Variants in THSD7A observed in about 807,000 individuals in gnomAD.
THSD7A encodes the protein thrombospondin type 1 domain containing 7A.
THSD7A carries 96 observed loss-of-function variants against 231.3 expected under a neutral mutation model. The ratio of observed to expected loss-of-function variants is 0.41; its 90% confidence interval spans 0.35 to 0.49. The LOEUF (loss-of-function observed/expected upper bound fraction) is 0.49. Ranked by LOEUF, THSD7A falls within the 20% of genes least tolerant of loss-of-function variation. The pLI, the probability that THSD7A is intolerant of heterozygous loss-of-function variation, is 0.05. For missense variants in THSD7A, 2,290 were observed against 2,070.2 expected, an observed-to-expected ratio of 1.11 and a Z score of -2.06; for synonymous variants, 940 against 743.3, an observed-to-expected ratio of 1.26 and a Z score of -4.30.
rs1562584167 is a variant in THSD7A at position 11,406,006 on chromosome 7, T to C, written c.4237+294A>G. 6.6e-6 allele frequency among the ~76,000 whole-genome samples: 1 copy of C among 152,200 alleles called. No individual in the cohort carries two copies. The highest frequency in any genetic ancestry group is 1.5e-5 in the Non-Finnish European group (1 of 68,038). On this transcript the variant is annotated intron_variant, in intron 22 of 27. Coordinates refer to ENST00000423059, the MANE Select transcript of THSD7A (RefSeq NM_015204.3). This position sits in a 1 kb window ranked among gnomAD's most constrained non-coding sequence, Gnocchi z 4.7. ...TTTGTCCTTATTTTCTCATCTTTTA[T>C]TTCATAACTTTTCTGTGGAGCATGG...
rs567805610 is a variant in THSD7A at position 11,811,118 on chromosome 7, C to T, written c.190+20639G>A. Among the ~76,000 whole-genome samples, 20 of 152,186 alleles carry T rather than the reference C, an allele frequency of 1.3e-4. No individual in the cohort carries two copies. In the South Asian group the frequency reaches 1.5e-3, roughly 11 times the overall value. The stretch of plus-strand genomic sequence containing the variant: ...ATGTTAAGGATATTTTATTAGTTTA[C>T]AATATTTTAAAACTTGGTGATTTGT... On this transcript the variant is annotated intron_variant, in intron 1 of 27. Coordinates refer to ENST00000423059, the MANE Select transcript of THSD7A (RefSeq NM_015204.3).
intron 13 of THSD7A, 42 bp from the exon 14 acceptor site, chr7:11,429,167 G>GTCAC: frequency 6.6e-7 from 1 of 1,514,596 alleles, no homozygotes; most frequent in Non-Finnish European, 8.8e-7. Context: ...TCCTCCACCT[G>GTCAC]TCACTCTCCC....
intron 4 of THSD7A, among the ~76,000 whole-genome samples, chr7:11,569,084 A>G (rs909460798): frequency 3.3e-5 from 5 of 152,094 alleles, no homozygotes; most frequent in African/African-American, 9.7e-5. Context: ...AAACTATAAA[A>G]TGACTAGAAG....
At chr7:11,388,528 C>T (rs1461069014) in intron 23 of THSD7A, among the ~76,000 whole-genome samples, 2 of 152,118 alleles carry the variant, frequency 1.3e-5, no homozygotes, top group Non-Finnish European at 2.9e-5. Context: ...CGTGGGATCA[C>T]TGGTGACATC....
intron 1 of THSD7A, among the ~76,000 whole-genome samples, chr7:11,783,510 G>A (rs1012868018): frequency 6.6e-6 from 1 of 152,122 alleles, no homozygotes; most frequent in Non-Finnish European, 1.5e-5. Flanking sequence ...TAAGGAGCAA[G>A]GGAGTTGAAG....
chr7:11,437,391 G>A (rs1436049307), intron 13 of THSD7A, among the ~76,000 whole-genome samples: 1 of 151,988 alleles, frequency 6.6e-6, no homozygotes, highest in African/African-American at 2.4e-5. Context: ...TTCTCTTTGT[G>A]CCCAAGTATC....
intron 6 of THSD7A, among the ~76,000 whole-genome samples, chr7:11,491,433 G>A (rs539156124): frequency 1.9e-4 from 29 of 151,904 alleles, no homozygotes; most frequent in African/African-American, 6.5e-4. Flanking sequence ...TCTGGACTAC[G>A]TAATTAACAT....
chr7:11,481,852 T>C lies in THSD7A; in HGVS notation c.1953A>G (p.Ser651=), dbSNP rs937744348. 14 of 1,613,742 alleles carry C rather than the reference T, an allele frequency of 8.7e-6. No individual in the cohort carries two copies. The highest frequency in any genetic ancestry group is 1.2e-5 in the Non-Finnish European group (14 of 1,179,694). Residue 651 remains serine (S), a synonymous_variant, in exon 7 of 28, where the codon TCA becomes TCG. Coordinates refer to ENST00000423059, the MANE Select transcript of THSD7A (RefSeq NM_015204.3). ...STWSSCSHTC[S]GKTTEGKQIR... ...TCTGTTTCCCTTCTGTCGTTTTCCC[T>C]GAGCAGGTGTGTGAGCAGGAGGACC... is the stretch of plus-strand genomic sequence containing the variant.
At position 11,411,430 on chromosome 7, in the gene THSD7A, C is replaced by G. The variant is rs972066462; in HGVS notation, c.3683-108G>C. 2 of 720,272 alleles carry G rather than the reference C, an allele frequency of 2.8e-6. No individual in the cohort carries two copies. Among genetic ancestry groups the G allele is most frequent in the African/African-American group, 3.5e-5 (2 of 56,348 alleles). The allele number at this position is 720,272 out of a possible 1,614,324, so 44.6% of individuals were successfully genotyped here. On this transcript the variant is annotated intron_variant, in intron 18 of 27. Coordinates refer to ENST00000423059, the MANE Select transcript of THSD7A (RefSeq NM_015204.3). This position sits in a 1 kb window ranked among gnomAD's most constrained non-coding sequence, Gnocchi z 4.1. ...ATTTAATTCACAACTGCTTCCTAAG[C>G]CCCATAATCAATCATCCCCCATGCA...
chr7:11,754,270 TAG>T (rs1782603906), intron 1 of THSD7A, among the ~76,000 whole-genome samples: 2 of 151,904 alleles, frequency 1.3e-5, no homozygotes, highest in African/African-American at 4.8e-5. Flanking sequence ...ATGATAAAAA[TAG>T]AGAGTAACGG....
At chr7:11,516,912 G>T (rs746030818) in intron 6 of THSD7A, among the ~76,000 whole-genome samples, 3 of 152,076 alleles carry the variant, frequency 2.0e-5, no homozygotes, top group Non-Finnish European at 4.4e-5. Flanking sequence ...TACCAGAATT[G>T]CAGTCATGGT....
chr7:11,593,321 C>A lies in THSD7A; in HGVS notation c.1204G>T (p.Glu402Ter). Reference protein sequence around the residue: ...IRQFPIGSEKECPEFEEKEPC... With the variant: ...IRQFPIGSEK ...TCTTTTTCTTCAAATTCTGGACACT[C>A]CTTTTCACTGCCAATGGGAAACTGC... Residue 402 changes from glutamate (E) to a stop codon, truncating the protein, a stop_gained, in exon 3 of 28, where the codon GAG becomes TAG. Coordinates refer to ENST00000423059, the MANE Select transcript of THSD7A (RefSeq NM_015204.3). LOFTEE classifies it high-confidence loss of function. The A allele has an allele frequency of 6.2e-7, 1 of 1,613,978 alleles. No homozygotes were observed. Among genetic ancestry groups the A allele is most frequent in the Non-Finnish European group, 8.5e-7 (1 of 1,179,884 alleles).
chr7:11,667,739 G>A (rs10240256), intron 1 of THSD7A, among the ~76,000 whole-genome samples: 74,910 of 151,822 alleles, frequency 0.49, 18,547 homozygotes, highest in Admixed American at 0.56. Flanking sequence ...TGAGAGTTAC[G>A]TATGATTATC....
chr7:11,609,776 T>A (rs1780861564), intron 2 of THSD7A, among the ~76,000 whole-genome samples: 1 of 152,126 alleles, frequency 6.6e-6, no homozygotes, highest in Non-Finnish European at 1.5e-5. Context: ...CATATTGGTG[T>A]GTGTGGGGTT....
chr7:11,769,026 C>T (rs1410112337), intron 1 of THSD7A, among the ~76,000 whole-genome samples: 4 of 146,304 alleles, frequency 2.7e-5, no homozygotes, highest in East Asian at 2.0e-4. Context: ...GGTGCGATCT[C>T]GGCTCACTGC....
At chr7:11,706,431 T>C (rs775716026) in intron 1 of THSD7A, among the ~76,000 whole-genome samples, 1 of 150,808 alleles carries the variant, frequency 6.6e-6, no homozygotes, top group Non-Finnish European at 1.5e-5. Flanking sequence ...GAAAAATAAG[T>C]GTTCATTTTC....
chr7:11,596,942 T>C (rs571696294), intron 2 of THSD7A, among the ~76,000 whole-genome samples: 81 of 152,372 alleles, frequency 5.3e-4, no homozygotes, highest in African/African-American at 1.8e-3. Flanking sequence ...GCCAGCAGTA[T>C]ACCTTTACTG....
rs1783801581 is a variant in THSD7A, at chr7:11,411,951, A to G, written c.3683-629T>C. Among the ~76,000 whole-genome samples the G allele has an allele frequency of 6.6e-6, 1 of 152,162 alleles. No individual in the cohort carries two copies. The highest frequency in any genetic ancestry group is 1.5e-5 in the Non-Finnish European group (1 of 68,028). ...AAGGAAACTGAAGAGAAAAACCAAA[A>G]GAAACAAAGCCAATATGACTGTTAT... On this transcript the variant is annotated intron_variant, in intron 18 of 27. Transcript: ENST00000423059. The surrounding 1 kb of genome is among the most constrained non-coding windows in gnomAD (Gnocchi z 4.1).
intron 4 of THSD7A, among the ~76,000 whole-genome samples, chr7:11,546,291 C>T (rs1012362475): frequency 6.6e-6 from 1 of 152,128 alleles, no homozygotes; most frequent in African/African-American, 2.4e-5. Context: ...GTGTGGACCC[C>T]ATTGTCACCA....
Sources: gnomAD v4.1 joint callset for allele counts (sites outside exome capture counted in the v4.1 genomes callset) on GRCh38, gnomAD v4.1.1 for gene constraint, Gnocchi (gnomAD v3.1) non-coding constraint, MANE v1.5 for transcripts, NCBI Gene and HGNC (gene_info 2026-07-23, HGNC 2026-07-21) for gene names.